SGMS1: variants seen among roughly 807,000 people sequenced by gnomAD.
SGMS1 encodes the protein phosphatidylcholine:ceramide cholinephosphotransferase 1.
SGMS1 carries 13 observed loss-of-function variants against 46.2 expected under a neutral mutation model. The ratio of observed to expected loss-of-function variants is 0.28; its 90% CI spans 0.18 to 0.45. The LOEUF (loss-of-function observed/expected upper bound fraction) is 0.45, where lower values mean the gene tolerates loss of function less well. Ranked by LOEUF, SGMS1 falls within the 20% of genes least tolerant of loss-of-function variation. The pLI, the probability that SGMS1 is intolerant of heterozygous loss-of-function variation, is 1.00. For missense variants in SGMS1, 324 were observed against 519.9 expected (o/e 0.62, Z 3.66); for synonymous variants, 203 against 187.8 (o/e 1.08, Z -0.66).
chr10:50,532,075 T>C (rs1837958400), intron 2 of SGMS1, among the ~76,000 whole-genome samples: 1 of 152,168 alleles, frequency 6.6e-6, no homozygotes, highest in African/African-American at 2.4e-5. Flanking sequence ...GAAAAATTGG[T>C]TCCTGGTCAG....
chr10:50,524,321 G>C (rs1837880991), intron 2 of SGMS1, among the ~76,000 whole-genome samples: 1 of 152,180 alleles, frequency 6.6e-6, no homozygotes, highest in South Asian at 2.1e-4. Context: ...AATGCAGTCT[G>C]AGCCTCTGGG....
intron 6 of SGMS1, among the ~76,000 whole-genome samples, chr10:50,374,285 C>T (rs1848490201): frequency 1.3e-5 from 2 of 152,130 alleles, no homozygotes; most frequent in South Asian, 2.1e-4. Context: ...ACGTCCAAAA[C>T]CAAATTCCTG....
At chr10:50,620,215 C>A (rs1838836479) in intron 1 of SGMS1, among the ~76,000 whole-genome samples, 1 of 152,258 alleles carries the variant, frequency 6.6e-6, no homozygotes, top group South Asian at 2.1e-4. Context: ...TCCAAGTGGG[C>A]TGATCCAAAA....
intron 4 of SGMS1, among the ~76,000 whole-genome samples, chr10:50,465,385 C>A (rs1297295348): frequency 6.6e-6 from 1 of 151,642 alleles, no homozygotes; most frequent in Non-Finnish European, 1.5e-5. Flanking sequence ...GGAAAATGTG[C>A]AAAGAACAGC....
At chr10:50,613,876 G>A (rs542336293) in intron 1 of SGMS1, among the ~76,000 whole-genome samples, 1 of 152,346 alleles carries the variant, frequency 6.6e-6, no homozygotes, top group South Asian at 2.1e-4. Flanking sequence ...AGAGCTTAAT[G>A]TGTGTAGGTG....
intron 6 of SGMS1, among the ~76,000 whole-genome samples, chr10:50,410,981 C>T (rs1849088426): frequency 6.6e-6 from 1 of 152,194 alleles, no homozygotes; most frequent in Non-Finnish European, 1.5e-5. Context: ...GTGATACATT[C>T]ATTATAGGTT....
At chr10:50,328,498 T>A (rs1402420774) in intron 7 of SGMS1, among the ~76,000 whole-genome samples, 1 of 152,238 alleles carries the variant, frequency 6.6e-6, no homozygotes, top group Admixed American at 6.5e-5. Flanking sequence ...GTGTATTTTC[T>A]GTTTTAAAAA....
chr10:50,505,853 T>A (rs967702015), intron 3 of SGMS1, among the ~76,000 whole-genome samples: 4 of 152,056 alleles, frequency 2.6e-5, no homozygotes, highest in Admixed American at 6.5e-5. Flanking sequence ...GCACACCATA[T>A]CTGCGGGGGG....
intron 2 of SGMS1, among the ~76,000 whole-genome samples, chr10:50,572,150 C>T (rs1277877611): frequency 1.3e-5 from 2 of 152,186 alleles, no homozygotes; most frequent in Non-Finnish European, 2.9e-5. Context: ...AGGACAAAGG[C>T]CACCTCCTGC....
intron 6 of SGMS1, among the ~76,000 whole-genome samples, chr10:50,430,312 TAC>T (rs1271582109): frequency 6.6e-6 from 1 of 152,166 alleles, no homozygotes; most frequent in Non-Finnish European, 1.5e-5. Context: ...ATATTATGTA[TAC>T]ATCTACAATT....
chr10:50,331,341 C>T (rs890931189), intron 7 of SGMS1, among the ~76,000 whole-genome samples: 3 of 152,046 alleles, frequency 2.0e-5, no homozygotes, highest in African/African-American at 7.2e-5. Flanking sequence ...ATAAACAAAA[C>T]AAAAATATTC....
intron 2 of SGMS1, among the ~76,000 whole-genome samples, chr10:50,533,785 A>G (rs975958307): frequency 6.6e-6 from 1 of 152,168 alleles, no homozygotes; most frequent in Non-Finnish European, 1.5e-5. Flanking sequence ...TATAAAGTTT[A>G]TATACATGCA....
At position 50,581,558 on chromosome 10, in the gene SGMS1, CTATTAA is replaced by C. The variant is rs536622303; in HGVS notation, c.-589+8589_-589+8594del. Among the ~76,000 whole-genome samples, 536 of 152,290 alleles carry C rather than the reference CTATTAA, an allele frequency of 3.5e-3. 5 individuals carry two copies. The highest frequency in any genetic ancestry group is 0.012 in the African/African-American group (484 of 41,546). ...GGTCAGGTTAAAGGCAACGAAGGAA[CTATTAA>C]TATTCAATCCCTGACTATGCAGCAA... On this transcript the variant is annotated intron_variant, in intron 2 of 10. Transcript: ENST00000361781.
intron 3 of SGMS1, among the ~76,000 whole-genome samples, chr10:50,516,646 A>T (rs1290897389): frequency 1.3e-5 from 2 of 152,228 alleles, no homozygotes; most frequent in African/African-American, 4.8e-5. Flanking sequence ...TTTCAAAAAG[A>T]TCACTCTTGC....
At chr10:50,448,243 C>T (rs979159585) in intron 5 of SGMS1, among the ~76,000 whole-genome samples, 1 of 151,830 alleles carries the variant, frequency 6.6e-6, no homozygotes, top group African/African-American at 2.4e-5. Context: ...CAGAGCAAGA[C>T]CTTGTCTCAA....
At chr10:50,520,304 C>A (rs1221213752) in intron 2 of SGMS1, among the ~76,000 whole-genome samples, 1 of 152,050 alleles carries the variant, frequency 6.6e-6, no homozygotes, top group Admixed American at 6.6e-5. Flanking sequence ...GTAAAAGGAT[C>A]ACTTAAGAAT....
intron 6 of SGMS1, among the ~76,000 whole-genome samples, chr10:50,354,261 G>A (rs946371816): frequency 6.6e-6 from 1 of 152,138 alleles, no homozygotes; most frequent in Non-Finnish European, 1.5e-5. Context: ...CAATGGAACA[G>A]AACACAGCCC....
chr10:50,544,806 T>G (rs1838086158), intron 2 of SGMS1, among the ~76,000 whole-genome samples: 1 of 152,178 alleles, frequency 6.6e-6, no homozygotes, highest in Admixed American at 6.5e-5. Context: ...GGTCCCAACA[T>G]GCCATGAAGC....
Position 50,431,760 on chromosome 10 carries a change from C to T in SGMS1, c.-232+1716G>A, listed in dbSNP as rs74371755. On this transcript the variant is annotated intron_variant, in intron 6 of 10. Transcript: ENST00000361781. ...TGGGAGGAATCCTGACTACTTGTCTCTGTAGCACCACTACCTGAAGGAATT... is the reference window on the plus strand; with the variant it reads ...TGGGAGGAATCCTGACTACTTGTCTTTGTAGCACCACTACCTGAAGGAATT... 4.6e-5 allele frequency among the ~76,000 whole-genome samples: 7 copies of T among 152,294 alleles called. No individual in the cohort carries two copies. In the East Asian group the frequency reaches 1.4e-3, roughly 29 times the overall value.
Sources: allele counts gnomAD v4.1 joint callset (sites outside exome capture counted in the v4.1 genomes callset), GRCh38; gene constraint gnomAD v4.1.1; transcripts MANE v1.5; gene names NCBI Gene and HGNC (gene_info 2026-07-23, HGNC 2026-07-21).